Variants in HEMK2 observed in about 807,000 individuals in gnomAD.
HEMK2 encodes HemK methyltransferase 2, ETF1 glutamine and histone H4 lysine.
chr21:28,773,222 G>A, the HEMK2 span, among the ~76,000 whole-genome samples: 1 of 152,096 alleles, frequency 6.6e-6, no homozygotes, highest in African/African-American at 2.4e-5. Context: ...AGTCCAAGTA[G>A]GTGAATAATG....
the HEMK2 span, among the ~76,000 whole-genome samples, chr21:28,629,338 C>T: frequency 1.3e-5 from 2 of 152,196 alleles, no homozygotes; most frequent in African/African-American, 4.8e-5. Flanking sequence ...GGTGTTGTCT[C>T]CAGTTATAAA....
the HEMK2 span, among the ~76,000 whole-genome samples, chr21:28,819,365 A>T: frequency 2.0e-5 from 3 of 150,784 alleles, 1 homozygote; most frequent in South Asian, 6.2e-4. Context: ...TATATGCTTT[A>T]TATAGGAAGT....
At chr21:28,648,714 A>C in the HEMK2 span, among the ~76,000 whole-genome samples, 2 of 152,218 alleles carry the variant, frequency 1.3e-5, no homozygotes, top group Admixed American at 6.5e-5. Flanking sequence ...TGGCAGAGCA[A>C]GAAGCAAAAC....
the HEMK2 span, among the ~76,000 whole-genome samples, chr21:28,880,209 C>G: frequency 6.6e-6 from 1 of 152,174 alleles, no homozygotes; most frequent in Non-Finnish European, 1.5e-5. Context: ...TATTTATATT[C>G]TGGGTTCACT....
chr21:28,649,986 T>C, the HEMK2 span, among the ~76,000 whole-genome samples: 2 of 152,170 alleles, frequency 1.3e-5, no homozygotes, highest in Admixed American at 6.5e-5. Context: ...TGGGAGGCTA[T>C]AAAGAACATC....
At chr21:28,731,996 A>C in the HEMK2 span, among the ~76,000 whole-genome samples, 4 of 152,204 alleles carry the variant, frequency 2.6e-5, no homozygotes, top group African/African-American at 9.6e-5. Flanking sequence ...TGTCACTCCT[A>C]GAAACCTAGC....
the HEMK2 span, among the ~76,000 whole-genome samples, chr21:28,749,343 C>T: frequency 6.6e-6 from 1 of 152,126 alleles, no homozygotes; most frequent in African/African-American, 2.4e-5. Context: ...CTCAAATTAA[C>T]TCATTTAATT....
the HEMK2 span, among the ~76,000 whole-genome samples, chr21:28,869,908 A>G: frequency 6.6e-6 from 1 of 152,188 alleles, no homozygotes; most frequent in Non-Finnish European, 1.5e-5. Context: ...TGTATACCCA[A>G]GAAACTCTCT....
chr21:28,620,741 G>A, the HEMK2 span, among the ~76,000 whole-genome samples: 2 of 131,798 alleles, frequency 1.5e-5, no homozygotes, highest in African/African-American at 2.9e-5. Context: ...TGGTGTAATC[G>A]GGGCTCACTG....
chr21:28,863,868 C>T, the HEMK2 span, among the ~76,000 whole-genome samples: 5 of 152,280 alleles, frequency 3.3e-5, no homozygotes, highest in East Asian at 7.7e-4. Context: ...TGCTCTGTCG[C>T]CCAGGCCGGA....
the HEMK2 span, among the ~76,000 whole-genome samples, chr21:28,764,965 T>A: frequency 6.6e-6 from 1 of 152,132 alleles, no homozygotes; most frequent in African/African-American, 2.4e-5. Context: ...TTTAATCTCT[T>A]GTGTGATGCT....
chr21:28,846,530 T>C, the HEMK2 span, among the ~76,000 whole-genome samples: 1 of 152,212 alleles, frequency 6.6e-6, no homozygotes, highest in Non-Finnish European at 1.5e-5. Flanking sequence ...GGGGTTTCAA[T>C]TCGCATCTCC....
chr21:28,844,090 T>G, the HEMK2 span, among the ~76,000 whole-genome samples: 12 of 152,060 alleles, frequency 7.9e-5, no homozygotes, highest in African/African-American at 2.7e-4. Flanking sequence ...AAAGGAATTA[T>G]ATATATATAC....
the HEMK2 span, among the ~76,000 whole-genome samples, chr21:28,753,227 C>T: frequency 2.0e-5 from 3 of 151,908 alleles, no homozygotes; most frequent in African/African-American, 2.4e-5. Flanking sequence ...CATGGTGGCA[C>T]GTACCTGTAA....
the HEMK2 span, among the ~76,000 whole-genome samples, chr21:28,768,530 C>T: frequency 6.6e-6 from 1 of 152,076 alleles, no homozygotes; most frequent in East Asian, 1.9e-4. Flanking sequence ...TTCTCCCTTT[C>T]CTCAACTTTC....
At chr21:28,625,860 GT>G in the HEMK2 span, among the ~76,000 whole-genome samples, 2 of 152,144 alleles carry the variant, frequency 1.3e-5, no homozygotes, top group Non-Finnish European at 2.9e-5. Context: ...CACCAGAAAT[GT>G]AACAACAAGG....
At chr21:28,718,693 C>A in the HEMK2 span, among the ~76,000 whole-genome samples, 1 of 151,888 alleles carries the variant, frequency 6.6e-6, no homozygotes, top group East Asian at 1.9e-4. Context: ...ATAATAGAAT[C>A]ACTACATATT....
the HEMK2 span, among the ~76,000 whole-genome samples, chr21:28,668,398 C>T: frequency 2.0e-5 from 3 of 152,154 alleles, 1 homozygote; most frequent in Non-Finnish European, 4.4e-5. Flanking sequence ...ATATCTGGTT[C>T]CTGTTCCTCA....
the HEMK2 span, among the ~76,000 whole-genome samples, chr21:28,831,709 AGG>A: frequency 7.9e-6 from 1 of 126,952 alleles, no homozygotes; most frequent in African/African-American, 3.2e-5. Context: ...GAAGGAAGGA[AGG>A]AAGGAAGGAA....
Sources: allele counts gnomAD v4.1 joint callset (sites outside exome capture counted in the v4.1 genomes callset), GRCh38; gene constraint gnomAD v4.1.1; transcripts MANE v1.5; gene names NCBI Gene and HGNC (gene_info 2026-07-23, HGNC 2026-07-21).